Variants in PLEKHA8 observed in about 807,000 individuals in gnomAD.
PLEKHA8 encodes pleckstrin homology domain containing A8, also known as pleckstrin homology domain-containing family A member 8.
Under a neutral mutation model 68.2 loss-of-function variants are expected in PLEKHA8, and 36 were observed. The observed-to-expected ratio is 0.53, with a 90% CI of 0.40 to 0.70. The LOEUF is 0.70. Among genes scored for constraint, PLEKHA8 ranks in the 30% least tolerant of loss-of-function variants. PLEKHA8 has a pLI of 0.00. For missense variants in PLEKHA8, 505 were observed against 615.4 expected (o/e 0.82, Z 1.90); for synonymous variants, 211 against 216.1 (o/e 0.98, Z 0.20).
chr7:30,052,543 G>C (rs565812049), intron 6 of PLEKHA8, among the ~76,000 whole-genome samples, 166 bp from the exon 7 acceptor site: 3 of 151,756 alleles, frequency 2.0e-5, no homozygotes, highest in Non-Finnish European at 4.4e-5. Flanking sequence ...TGGAGTGCTG[G>C]GCTCAAGTAG....
At chr7:30,032,405 C>G (rs967716364) in intron 1 of PLEKHA8, among the ~76,000 whole-genome samples, 35 of 152,194 alleles carry the variant, frequency 2.3e-4, no homozygotes, top group African/African-American at 7.0e-4. Context: ...TTAGTACTTA[C>G]AATGTGCCAA....
At chr7:30,054,934 G>T in intron 8 of PLEKHA8, 69 bp downstream of exon 8, 2 of 1,424,124 alleles carry the variant, frequency 1.4e-6, no homozygotes, top group Middle Eastern at 1.8e-4. Context: ...CAGTCATGGT[G>T]TTCCTTTCAG....
intron 9 of PLEKHA8, among the ~76,000 whole-genome samples, chr7:30,058,807 C>G (rs570616327): frequency 6.6e-6 from 1 of 152,082 alleles, no homozygotes; most frequent in Non-Finnish European, 1.5e-5. Flanking sequence ...TATCTCTAAA[C>G]CAATTAGGGG....
At chr7:30,056,749 G>A (rs1373238902) in intron 9 of PLEKHA8, among the ~76,000 whole-genome samples, 2 of 45,558 alleles carry the variant, frequency 4.4e-5, no homozygotes, top group Non-Finnish European at 9.9e-5. Context: ...AAAAGTGTGT[G>A]TGTGTGTGTG....
At chr7:30,064,968 C>T (rs1793720496) in intron 12 of PLEKHA8, among the ~76,000 whole-genome samples, 1 of 152,172 alleles carries the variant, frequency 6.6e-6, no homozygotes, top group Non-Finnish European at 1.5e-5. Flanking sequence ...TGCTTATGGG[C>T]TTTGACCCCC....
intron 9 of PLEKHA8, 71 bp from the exon 10 acceptor site, chr7:30,060,813 T>G: frequency 8.1e-7 from 1 of 1,232,826 alleles, no homozygotes; most frequent in Non-Finnish European, 1.2e-6. Context: ...AAATTTATTA[T>G]TACTTTATTA....
chr7:30,040,129 T>C (rs1318275421), intron 1 of PLEKHA8, among the ~76,000 whole-genome samples: 1 of 152,236 alleles, frequency 6.6e-6, no homozygotes, highest in Non-Finnish European at 1.5e-5. Flanking sequence ...GAGATGATCA[T>C]GTGATAGTTT....
chr7:30,054,140 C>T (rs188996512), intron 7 of PLEKHA8, among the ~76,000 whole-genome samples: 13 of 152,196 alleles, frequency 8.5e-5, no homozygotes, highest in Non-Finnish European at 1.6e-4. Flanking sequence ...TAAAATGTGG[C>T]ACTAAGTAAG....
rs1020760979 is a variant in PLEKHA8 at position 30,028,433 on chromosome 7, C to T, written c.-330C>T. On this transcript the variant is annotated 5_prime_UTR_variant, in exon 1 of 14. Transcript: ENST00000449726. ...AGGTGGTGCGCCGTGGCGCCGCCTG[C>T]GACCGGCAGCTCGTTCGCCGCACTT... The T allele has an allele frequency of 2.3e-5, 6 of 266,574 alleles. No homozygotes were observed. Among genetic ancestry groups the T allele is most frequent in the South Asian group, 1.7e-4 (1 of 5,908 alleles). The allele number at this position is 266,574 out of a possible 1,614,324, so 16.5% of individuals were successfully genotyped here.
At position 30,098,524 on chromosome 7, in the gene PLEKHA8, G is replaced by A. The variant is rs560952242; in HGVS notation, c.1362+24392G>A. 7.2e-5 allele frequency among the ~76,000 whole-genome samples: 11 copies of A among 152,338 alleles called. No homozygotes were observed. The East Asian group carries it at 9.7e-4, about 13-fold the overall frequency. ...GTTTACCTAATCAAACAACTAACTC[G>A]GCAATGGCAGGTGCCCGTCCCCCAG... On this transcript the variant is annotated intron_variant, in intron 13 of 13. Transcript: ENST00000396257.
chr7:30,038,333 T>C (rs931635004), intron 1 of PLEKHA8, among the ~76,000 whole-genome samples: 1 of 152,236 alleles, frequency 6.6e-6, no homozygotes, highest in Non-Finnish European at 1.5e-5. Flanking sequence ...GAATGTTCTG[T>C]GTCTTTAATA....
downstream of PLEKHA8, among the ~76,000 whole-genome samples, chr7:30,093,873 G>T (rs1347211452): frequency 6.6e-6 from 1 of 152,170 alleles, no homozygotes; most frequent in Non-Finnish European, 1.5e-5. Flanking sequence ...ATTGGACTCT[G>T]GTCTGCCTTT....
intron 13 of PLEKHA8, among the ~76,000 whole-genome samples, chr7:30,114,592 T>C (rs1796369383): frequency 6.6e-6 from 1 of 152,208 alleles, no homozygotes; most frequent in South Asian, 2.1e-4. Flanking sequence ...TTATATGAAG[T>C]TTTAGGGTAT....
At chr7:30,067,017 T>A (rs1793893878) in intron 12 of PLEKHA8, among the ~76,000 whole-genome samples, 1 of 152,240 alleles carries the variant, frequency 6.6e-6, no homozygotes, top group Admixed American at 6.5e-5. Flanking sequence ...ATTTGCAGCA[T>A]ATGCCTCCAC....
chr7:30,116,272 A>G (rs546701063), intron 13 of PLEKHA8, among the ~76,000 whole-genome samples: 23 of 151,418 alleles, frequency 1.5e-4, no homozygotes, highest in Middle Eastern at 3.4e-3. Flanking sequence ...GCATACATGT[A>G]TGTATGTATA....
At chr7:30,056,027 C>T (rs1456545803) in intron 9 of PLEKHA8, among the ~76,000 whole-genome samples, 1 of 150,054 alleles carries the variant, frequency 6.7e-6, no homozygotes, top group Non-Finnish European at 1.5e-5. Flanking sequence ...ACTGCAAGCT[C>T]CGCCCCCCAG....
intron 13 of PLEKHA8, chr7:30,115,708 A>C (rs1216762400): frequency 1.7e-5 from 2 of 120,608 alleles, no homozygotes; most frequent in Non-Finnish European, 3.8e-5. Flanking sequence ...ATACATGTAT[A>C]CATACGCGCA....
Position 30,080,740 on chromosome 7 carries a change from T to C in PLEKHA8, c.*1953T>C. On this transcript the variant is annotated 3_prime_UTR_variant, in exon 14 of 14. Transcript: ENST00000449726. ...TGTGTGTGTGTTATTTCCCTCCCAC[T>C]CTCATGAGCAGTGAGTATAGATCTC... 2 of 985,356 alleles carry C rather than the reference T, an allele frequency of 2.0e-6. No individual in the cohort carries two copies. The highest frequency in any genetic ancestry group is 9.4e-5 in the South Asian group (2 of 21,276). The allele number at this position is 985,356 out of a possible 1,614,324, so 61.0% of individuals were successfully genotyped here.
At chr7:30,052,140 A>G (rs917079697) in intron 6 of PLEKHA8, among the ~76,000 whole-genome samples, 4 of 152,138 alleles carry the variant, frequency 2.6e-5, no homozygotes, top group African/African-American at 9.7e-5. Context: ...GTCAATGACT[A>G]TTTCCTGATG....
Sources: allele counts gnomAD v4.1 joint callset (sites outside exome capture counted in the v4.1 genomes callset), GRCh38; gene constraint gnomAD v4.1.1; transcripts MANE v1.5; gene names NCBI Gene and HGNC (gene_info 2026-07-23, HGNC 2026-07-21).